Variants in DCPS observed in about 807,000 individuals in gnomAD.
DCPS encodes m7GpppX diphosphatase.
In DCPS, 27 loss-of-function variants were observed where a neutral mutation model predicts 34.7. That is an observed-to-expected ratio of 0.78 (90% CI 0.57 to 1.07). The LOEUF is 1.07. Among genes scored for constraint, DCPS ranks in the 50% least tolerant of loss-of-function variants. The probability of loss-of-function intolerance (pLI) is 0.00; values close to 1 mark genes in which losing one functional copy is unlikely to be tolerated. For synonymous variants in DCPS, 185 were observed against 185.7 expected (o/e 1.00, Z 0.03); for missense variants, 464 against 436.9 (o/e 1.06, Z -0.55).
intron 1 of DCPS, among the ~76,000 whole-genome samples, chr11:126,305,074 T>C (rs1187866569): frequency 6.6e-6 from 1 of 152,222 alleles, no homozygotes; most frequent in Non-Finnish European, 1.5e-5. Flanking sequence ...TAGGCTTCCA[T>C]GCCTCTGTGT....
rs916408847 is a variant in DCPS at position 126,329,518 on chromosome 11, C to T, written c.377-1887C>T. 6.6e-6 allele frequency among the ~76,000 whole-genome samples: 1 copy of T among 152,196 alleles called. No homozygotes were observed. The highest frequency in any genetic ancestry group is 2.1e-4 in the South Asian group (1 of 4,828). ...TCTTCCCACTGTGCTGCTGTGCCAC[C>T]CAGAGCTGAGGGCCTGGGATGTTTG... On this transcript the variant is annotated intron_variant, in intron 2 of 5. Coordinates refer to ENST00000263579, the MANE Select transcript of DCPS (RefSeq NM_014026.6). This position sits in a 1 kb window ranked among gnomAD's most constrained non-coding sequence, Gnocchi z 5.0.
chr11:126,306,465 A>G, intron 1 of DCPS, 105 bp from the exon 2 acceptor site: 1 of 1,259,252 alleles, frequency 7.9e-7, no homozygotes, highest in Non-Finnish European at 1.1e-6. Flanking sequence ...AGGGAAGGAA[A>G]TCCCAAGTAT....
At chr11:126,330,279 A>T (rs191385749) in intron 2 of DCPS, among the ~76,000 whole-genome samples, 26 of 152,264 alleles carry the variant, frequency 1.7e-4, no homozygotes, top group Admixed American at 1.7e-3. Flanking sequence ...GGCCACAGGG[A>T]TGCAGCTGAA....
intron 2 of DCPS, among the ~76,000 whole-genome samples, chr11:126,318,036 C>A (rs1440165127): frequency 6.6e-6 from 1 of 152,150 alleles, no homozygotes; most frequent in Non-Finnish European, 1.5e-5. Context: ...GCCATCCGGT[C>A]CTGTTGCCTC....
chr11:126,343,808 G>GGA (rs1202646011), intron 5 of DCPS, among the ~76,000 whole-genome samples: 2 of 152,192 alleles, frequency 1.3e-5, no homozygotes, highest in Non-Finnish European at 2.9e-5. Flanking sequence ...GTGTACACGT[G>GGA]TGTCTCCTTG....
At position 126,319,796 on chromosome 11, in the gene DCPS, T is replaced by C. The variant is rs1310226627; in HGVS notation, c.377-11609T>C. Among the ~76,000 whole-genome samples, 1 of 152,124 alleles carries C rather than the reference T, an allele frequency of 6.6e-6. No homozygotes were observed. The highest frequency in any genetic ancestry group is 1.5e-5 in the Non-Finnish European group (1 of 68,014). ...GCCTTTGGGATACGGGAGTATTGCATAGAGGAACCAGACTGCCTGGGTTCA... is the reference window on the plus strand; with the variant it reads ...GCCTTTGGGATACGGGAGTATTGCACAGAGGAACCAGACTGCCTGGGTTCA... On this transcript the variant is annotated intron_variant, in intron 2 of 5. Transcript: ENST00000263579. This position sits in a 1 kb window ranked among gnomAD's most constrained non-coding sequence, Gnocchi z 4.5.
chr11:126,330,541 C>T (rs749765466), intron 2 of DCPS, among the ~76,000 whole-genome samples: 3 of 151,408 alleles, frequency 2.0e-5, no homozygotes, highest in Admixed American at 6.6e-5. Context: ...ACAGCTGAAC[C>T]GTGCTCCCGG....
chr11:126,331,316 C>T lies in DCPS; in HGVS notation c.377-89C>T. The T allele has an allele frequency of 6.5e-7, 1 of 1,543,908 alleles. No individual in the cohort carries two copies. Reference sequence around the variant, plus strand: ...TTGGCTTCCCTCAGGGAATCAAAGCCAGGGTGGGAGTTCTCTCCTCACCGT... The same window carrying T: ...TTGGCTTCCCTCAGGGAATCAAAGCTAGGGTGGGAGTTCTCTCCTCACCGT... On this transcript the variant is annotated intron_variant, in intron 2 of 5. Coordinates refer to ENST00000263579, the MANE Select transcript of DCPS (RefSeq NM_014026.6). This position sits in a 1 kb window ranked among gnomAD's most constrained non-coding sequence, Gnocchi z 7.2.
In DCPS at chr11:126,331,256, G is replaced by C; in HGVS notation, c.377-149G>C. 1.8e-6 allele frequency: 2 copies of C among 1,137,076 alleles called. No homozygotes were observed. Among genetic ancestry groups the C allele is most frequent in the Admixed American group, 2.2e-5 (1 of 45,508 alleles). 70.4% of individuals were successfully genotyped at this position (1,137,076 alleles called of 1,614,324 possible). A position where few individuals can be genotyped will look rare whatever the true frequency, so the allele number is the denominator to read the frequency against. The stretch of plus-strand genomic sequence containing the variant: ...AATGCAGTGGCACAAGGCACTCTGT[G>C]GGAGTGGATCTTGGGTGCATGATCC... On this transcript the variant is annotated intron_variant, in intron 2 of 5. Coordinates refer to ENST00000263579, the MANE Select transcript of DCPS (RefSeq NM_014026.6). This position sits in a 1 kb window ranked among gnomAD's most constrained non-coding sequence, Gnocchi z 7.2.
At chr11:126,309,027 T>G (rs866764008) in intron 2 of DCPS, among the ~76,000 whole-genome samples, 3 of 147,580 alleles carry the variant, frequency 2.0e-5, no homozygotes, top group Non-Finnish European at 4.5e-5. Flanking sequence ...CCTGCCCCTT[T>G]TTTTTTTTTT....
chr11:126,342,021 T>C lies in DCPS; in HGVS notation c.637-1286T>C, dbSNP rs1251169586. ...CAATTTGAGGCCCCAGGAAATGTGG[T>C]TGGGTGAGTCATGGTCCTCAAATTA... On this transcript the variant is annotated intron_variant, in intron 4 of 5. Transcript: ENST00000263579. The surrounding 1 kb of genome is among the most constrained non-coding windows in gnomAD (Gnocchi z 4.4). The C allele has an allele frequency of 1.3e-5, 2 of 152,176 alleles. No homozygotes were observed. Among genetic ancestry groups the C allele is most frequent in the African/African-American group, 4.8e-5 (2 of 41,436 alleles). 9.4% of individuals were successfully genotyped at this position (152,176 alleles called of 1,614,324 possible). A position where few individuals can be genotyped will look rare whatever the true frequency, so the allele number is the denominator to read the frequency against.
Position 126,331,323 on chromosome 11 carries a change from G to C in DCPS, c.377-82G>C, listed in dbSNP as rs1017416688. ...CCCTCAGGGAATCAAAGCCAGGGTG[G>C]GAGTTCTCTCCTCACCGTGGTGCCT... On this transcript the variant is annotated intron_variant, in intron 2 of 5. Transcript: ENST00000263579. This position sits in a 1 kb window ranked among gnomAD's most constrained non-coding sequence, Gnocchi z 7.2. The C allele has an allele frequency of 6.4e-7, 1 of 1,551,886 alleles. No homozygotes were observed. Among genetic ancestry groups the C allele is most frequent in the Non-Finnish European group, 8.7e-7 (1 of 1,146,238 alleles).
Position 126,336,277 on chromosome 11 carries a change from C to G in DCPS, c.523-2009C>G, listed in dbSNP as rs530165240. 4 of 152,516 alleles carry G rather than the reference C, an allele frequency of 2.6e-5. No individual in the cohort carries two copies. Among genetic ancestry groups the G allele is most frequent in the Admixed American group, 2.6e-4 (4 of 15,294 alleles). 9.4% of individuals were successfully genotyped at this position (152,516 alleles called of 1,614,324 possible). A position where few individuals can be genotyped will look rare whatever the true frequency, so the allele number is the denominator to read the frequency against. On this transcript the variant is annotated intron_variant, in intron 3 of 5. Coordinates refer to ENST00000263579, the MANE Select transcript of DCPS (RefSeq NM_014026.6). This position sits in a 1 kb window ranked among gnomAD's most constrained non-coding sequence, Gnocchi z 6.3. Reference sequence around the variant, plus strand: ...CCGCTCTTATTTCCTCTCTCACCACCTCCTTTGCTCTCACCGCCTTTCCCT... The same window carrying G: ...CCGCTCTTATTTCCTCTCTCACCACGTCCTTTGCTCTCACCGCCTTTCCCT...
intron 2 of DCPS, among the ~76,000 whole-genome samples, chr11:126,311,380 G>T (rs1297418591): frequency 6.6e-6 from 1 of 152,254 alleles, no homozygotes; most frequent in Non-Finnish European, 1.5e-5. Flanking sequence ...TGTCTGCTAT[G>T]TGCCAGCTAC....
At position 126,335,537 on chromosome 11, in the gene DCPS, C is replaced by G. The variant is rs1310686517; in HGVS notation, c.523-2749C>G. Among the ~76,000 whole-genome samples, 1 of 152,218 alleles carries G rather than the reference C, an allele frequency of 6.6e-6. No individual in the cohort carries two copies. On this transcript the variant is annotated intron_variant, in intron 3 of 5. Transcript: ENST00000263579. This position sits in a 1 kb window ranked among gnomAD's most constrained non-coding sequence, Gnocchi z 4.8. ...GGCCTCTCCCAGGAGACAGGATGTA[C>G]CTTGGCCCAGGGTGCAGGCTCAGGA...
chr11:126,332,468 C>G lies in DCPS; in HGVS notation c.522+918C>G, dbSNP rs1001265322. Among the ~76,000 whole-genome samples the G allele has an allele frequency of 9.8e-5, 15 of 152,354 alleles. No individual in the cohort carries two copies. Among genetic ancestry groups the G allele is most frequent in the Admixed American group, 7.8e-4 (12 of 15,306 alleles). On this transcript the variant is annotated intron_variant, in intron 3 of 5. Coordinates refer to ENST00000263579, the MANE Select transcript of DCPS (RefSeq NM_014026.6). The surrounding 1 kb of genome is among the most constrained non-coding windows in gnomAD (Gnocchi z 5.4). The stretch of plus-strand genomic sequence containing the variant: ...CTTTATCACTCACCCTTGTTCTCTT[C>G]GAGCATTTCTCACTTTTCTCCCCAA...
At position 126,312,211 on chromosome 11, in the gene DCPS, G is replaced by A. The variant is rs1366558924; in HGVS notation, c.376+5467G>A. On this transcript the variant is annotated intron_variant, in intron 2 of 5. Coordinates refer to ENST00000263579, the MANE Select transcript of DCPS (RefSeq NM_014026.6). The surrounding 1 kb of genome is among the most constrained non-coding windows in gnomAD (Gnocchi z 5.1). The stretch of plus-strand genomic sequence containing the variant: ...CTCCCAGAGTGCTGAGAGTACAGGC[G>A]TGAGCCACCGCATCTGGCCAGAAGT... 6.6e-6 allele frequency among the ~76,000 whole-genome samples: 1 copy of A among 152,150 alleles called. No homozygotes were observed. The highest frequency in any genetic ancestry group is 2.4e-5 in the African/African-American group (1 of 41,416).
intron 1 of DCPS, among the ~76,000 whole-genome samples, chr11:126,305,286 G>A (rs1447586025): frequency 1.3e-5 from 2 of 151,458 alleles, no homozygotes; most frequent in African/African-American, 4.9e-5. Context: ...GCTAATTTTT[G>A]TATTTTTAGT....
rs964417210 is a variant in DCPS, at chr11:126,338,472, C to T, written c.636+73C>T. The T allele has an allele frequency of 2.4e-5, 32 of 1,342,278 alleles. No individual in the cohort carries two copies. Among genetic ancestry groups the T allele is most frequent in the Non-Finnish European group, 3.4e-5 (32 of 934,534 alleles). The allele number at this position is 1,342,278 out of a possible 1,614,324, so 83.1% of individuals were successfully genotyped here. A position where few individuals can be genotyped will look rare whatever the true frequency, so the allele number is the denominator to read the frequency against. ...AAGTGCTGGTCCTTCTGACTGCCCT[C>T]TTTCTCACGCTGGCCTGTCTCTAAG... On this transcript the variant is annotated intron_variant, in intron 4 of 5. Coordinates refer to ENST00000263579, the MANE Select transcript of DCPS (RefSeq NM_014026.6). The surrounding 1 kb of genome is among the most constrained non-coding windows in gnomAD (Gnocchi z 5.4).
Sources: allele counts gnomAD v4.1 joint callset (sites outside exome capture counted in the v4.1 genomes callset), GRCh38; gene constraint gnomAD v4.1.1; non-coding constraint Gnocchi (gnomAD v3.1); transcripts MANE v1.5; gene names NCBI Gene and HGNC (gene_info 2026-07-23, HGNC 2026-07-21).